LIN7A: variants seen among roughly 807,000 people sequenced by gnomAD.
LIN7A encodes protein lin-7 homolog A.
LIN7A carries 25 observed loss-of-function variants against 29.8 expected under a neutral mutation model. That is an observed-to-expected ratio of 0.84 (90% CI 0.61 to 1.17). LIN7A has a LOEUF of 1.17. Among genes scored for constraint, LIN7A ranks in the 50% most tolerant of loss-of-function variants. The probability of loss-of-function intolerance (pLI) is 0.00; values close to 1 mark genes in which losing one functional copy is unlikely to be tolerated. For missense variants in LIN7A, 239 were observed against 287.0 expected (o/e 0.83, Z 1.21); for synonymous variants, 118 against 107.5 (o/e 1.10, Z -0.60).
intron 1 of LIN7A, among the ~76,000 whole-genome samples, chr12:80,905,043 C>G (rs1399884514): frequency 6.6e-6 from 1 of 151,268 alleles, no homozygotes; most frequent in Non-Finnish European, 1.5e-5. Flanking sequence ...AGCTGAGTGT[C>G]TGTGTGTGTG....
intron 1 of LIN7A, among the ~76,000 whole-genome samples, chr12:80,906,202 A>G (rs778492182): frequency 3.9e-5 from 6 of 152,142 alleles, no homozygotes; most frequent in Non-Finnish European, 7.4e-5. Context: ...AAAAATGAAG[A>G]GCTGGTTTGT....
At chr12:80,822,656 G>A (rs1871864991) in intron 4 of LIN7A, among the ~76,000 whole-genome samples, 1 of 152,048 alleles carries the variant, frequency 6.6e-6, no homozygotes, top group African/African-American at 2.4e-5. Context: ...GGCATTATGG[G>A]AGCTACAATT....
At chr12:80,862,378 G>A (rs1191952065) in intron 2 of LIN7A, among the ~76,000 whole-genome samples, 3 of 152,168 alleles carry the variant, frequency 2.0e-5, no homozygotes, top group Non-Finnish European at 2.9e-5. Flanking sequence ...GTTGTATAAA[G>A]TCCCTGCAAA....
chr12:80,815,972 T>G (rs998131132), intron 4 of LIN7A, among the ~76,000 whole-genome samples: 5 of 152,164 alleles, frequency 3.3e-5, no homozygotes, highest in Non-Finnish European at 1.5e-5. Context: ...AAAGAAATGT[T>G]ACCTACCCCA....
chr12:80,937,634 C>G lies in LIN7A; in HGVS notation c.82+7G>C. 1.3e-6 allele frequency: 2 copies of G among 1,520,970 alleles called. No homozygotes were observed. Among genetic ancestry groups the G allele is most frequent in the African/African-American group, 1.4e-5 (1 of 70,976 alleles). The allele number at this position is 1,520,970 out of a possible 1,614,324, so 94.2% of individuals were successfully genotyped here. On this transcript the variant is annotated splice_region_variant and intron_variant, in intron 1 of 5. Transcript: ENST00000552864. ...GCGGTGGCCTGGCGAGCGAGCCGCT[C>G]CCTTACCTCTGTCCAGGGTGAGCGG...
intron 1 of LIN7A, among the ~76,000 whole-genome samples, chr12:80,926,925 C>T (rs1387432639): frequency 2.5e-5 from 2 of 81,046 alleles, no homozygotes; most frequent in Non-Finnish European, 4.2e-5. Context: ...GAGACTCCAT[C>T]TCAAAAAAAA....
At chr12:80,876,795 A>G (rs1196674855) in intron 2 of LIN7A, among the ~76,000 whole-genome samples, 1 of 152,232 alleles carries the variant, frequency 6.6e-6, no homozygotes, top group East Asian at 1.9e-4. Context: ...GGACTAATCA[A>G]GTTTGAAAAC....
chr12:80,885,780 TA>T (rs1047032770), intron 2 of LIN7A, among the ~76,000 whole-genome samples: 17 of 152,206 alleles, frequency 1.1e-4, no homozygotes, highest in Admixed American at 1.0e-3. Context: ...TATTTCTAGT[TA>T]AAAAAATAAA....
intron 1 of LIN7A, among the ~76,000 whole-genome samples, chr12:80,895,330 G>T (rs191919516): frequency 7.2e-5 from 11 of 152,160 alleles, no homozygotes; most frequent in Admixed American, 7.2e-4. Context: ...TAAAAGGGAT[G>T]AGCTTACAGT....
At position 80,937,629 on chromosome 12, in the gene LIN7A, C is replaced by G. The variant is rs1466260782; in HGVS notation, c.82+12G>C. 11 of 1,483,466 alleles carry G rather than the reference C, an allele frequency of 7.4e-6. No homozygotes were observed. Among genetic ancestry groups the G allele is most frequent in the Non-Finnish European group, 9.9e-6 (11 of 1,107,448 alleles). The allele number at this position is 1,483,466 out of a possible 1,614,324, so 91.9% of individuals were successfully genotyped here. A position where few individuals can be genotyped will look rare whatever the true frequency, so the allele number is the denominator to read the frequency against. On this transcript the variant is annotated intron_variant, in intron 1 of 5. Transcript: ENST00000552864. ...GGGACGCGGTGGCCTGGCGAGCGAG[C>G]CGCTCCCTTACCTCTGTCCAGGGTG...
At chr12:80,841,243 A>T (rs911332699) in intron 4 of LIN7A, among the ~76,000 whole-genome samples, 1 of 151,984 alleles carries the variant, frequency 6.6e-6, no homozygotes, top group East Asian at 1.9e-4. Context: ...GTGAGCTGAG[A>T]TCATACCACT....
chr12:80,898,623 GT>G (rs149309592), intron 1 of LIN7A, among the ~76,000 whole-genome samples: 135,709 of 152,080 alleles, frequency 0.89, 61,955 homozygotes, highest in East Asian at 1. Flanking sequence ...AGCAGAGTAT[GT>G]TTTTTCCATT....
intron 1 of LIN7A, among the ~76,000 whole-genome samples, chr12:80,922,799 G>T (rs1053714098): frequency 1.3e-5 from 2 of 152,114 alleles, no homozygotes; most frequent in African/African-American, 4.8e-5. Context: ...GCTCTGAGTA[G>T]CACAATGAAA....
chr12:80,925,768 A>G (rs1448947335), intron 1 of LIN7A, among the ~76,000 whole-genome samples: 2 of 152,224 alleles, frequency 1.3e-5, no homozygotes, highest in African/African-American at 2.4e-5. Context: ...AATACTCCAG[A>G]AATGACTTCT....
intron 4 of LIN7A, among the ~76,000 whole-genome samples, chr12:80,841,242 G>T (rs1872790301): frequency 6.6e-6 from 1 of 151,744 alleles, no homozygotes; most frequent in Non-Finnish European, 1.5e-5. Context: ...AGTGAGCTGA[G>T]ATCATACCAC....
intron 2 of LIN7A, among the ~76,000 whole-genome samples, chr12:80,855,611 T>C (rs1873556140): frequency 6.6e-6 from 1 of 152,174 alleles, no homozygotes; most frequent in East Asian, 1.9e-4. Context: ...ATAATAATAC[T>C]GCAGGCTTCT....
chr12:80,911,158 C>T (rs1022696000), intron 1 of LIN7A, among the ~76,000 whole-genome samples: 10 of 151,886 alleles, frequency 6.6e-5, no homozygotes, highest in Middle Eastern at 3.4e-3. Flanking sequence ...CTATTCAGTA[C>T]ATATGTTCAC....
intron 5 of LIN7A, among the ~76,000 whole-genome samples, chr12:80,798,238 G>A (rs1870545774): frequency 6.6e-6 from 1 of 152,206 alleles, no homozygotes; most frequent in South Asian, 2.1e-4. Context: ...TATGGTCAGA[G>A]TTTGGGGAGC....
chr12:80,875,438 C>T (rs187258118), intron 2 of LIN7A, among the ~76,000 whole-genome samples: 9 of 152,222 alleles, frequency 5.9e-5, no homozygotes, highest in South Asian at 2.1e-4. Flanking sequence ...ACTTACTACA[C>T]GAAACTCATG....
Sources: gnomAD v4.1 joint callset for allele counts (sites outside exome capture counted in the v4.1 genomes callset) on GRCh38, gnomAD v4.1.1 for gene constraint, MANE v1.5 for transcripts, NCBI Gene and HGNC (gene_info 2026-07-23, HGNC 2026-07-21) for gene names.